Variants in NTM observed in about 807,000 individuals in gnomAD.
NTM encodes neurotrimin.
A neutral mutation model predicts 42.1 loss-of-function variants in NTM; 13 were observed. The ratio of observed to expected loss-of-function variants is 0.31; its 90% CI spans 0.20 to 0.49. The LOEUF (loss-of-function observed/expected upper bound fraction) is 0.49, where lower values mean the gene tolerates loss of function less well. Ranked by LOEUF, NTM falls within the 20% of genes least tolerant of loss-of-function variation. The probability of loss-of-function intolerance (pLI) is 0.99; values close to 1 mark genes in which losing one functional copy is unlikely to be tolerated. For synonymous variants in NTM, 187 were observed against 179.2 expected (o/e 1.04, Z -0.35); for missense variants, 373 against 452.8 (o/e 0.82, Z 1.60).
At position 132,002,024 on chromosome 11, in the gene NTM, A is replaced by G. The variant is rs1464342508; in HGVS notation, c.167+90376A>G. ...GTGTAGAAAAACTTGAATAAAAGCA[A>G]TGGCAGGGACAGCCAAAGAGGAATC... On this transcript the variant is annotated intron_variant, in intron 2 of 8. Transcript: ENST00000683400. The surrounding 1 kb of genome is among the most constrained non-coding windows in gnomAD (Gnocchi z 4.5). Among the ~76,000 whole-genome samples the G allele has an allele frequency of 6.6e-6, 1 of 152,148 alleles. No homozygotes were observed. Among genetic ancestry groups the G allele is most frequent in the Admixed American group, 6.5e-5 (1 of 15,272 alleles).
chr11:132,073,326 GC>G (rs951264457), intron 2 of NTM, among the ~76,000 whole-genome samples: 52 of 152,294 alleles, frequency 3.4e-4, no homozygotes, highest in African/African-American at 1.2e-3. Flanking sequence ...GAGCAGAGGT[GC>G]CTAGTTATCT....
chr11:132,242,289 AG>A (rs2090340549), intron 4 of NTM, among the ~76,000 whole-genome samples: 1 of 152,204 alleles, frequency 6.6e-6, no homozygotes, highest in Admixed American at 6.5e-5. Context: ...AGTACACACA[AG>A]AAAATGACTG....
chr11:132,237,748 C>A (rs1259707422), intron 4 of NTM, among the ~76,000 whole-genome samples: 1 of 152,180 alleles, frequency 6.6e-6, no homozygotes, highest in Non-Finnish European at 1.5e-5. Flanking sequence ...ATGTCTTCGT[C>A]TCTCCGTAGC....
intron 1 of NTM, among the ~76,000 whole-genome samples, chr11:131,431,039 C>G (rs986601704): frequency 2.6e-5 from 4 of 152,210 alleles, no homozygotes; most frequent in Non-Finnish European, 5.9e-5. Flanking sequence ...GATTTGCAGC[C>G]GTTCCACACA....
At chr11:131,697,125 A>C (rs963589792) in intron 1 of NTM, among the ~76,000 whole-genome samples, 1 of 152,148 alleles carries the variant, frequency 6.6e-6, no homozygotes. Context: ...TTTGCTTATT[A>C]ATTTCTCAGA....
At chr11:131,637,215 C>T (rs548489503) in intron 1 of NTM, among the ~76,000 whole-genome samples, 1 of 152,114 alleles carries the variant, frequency 6.6e-6, no homozygotes, top group East Asian at 2.0e-4. Context: ...GACATCCATC[C>T]TCGGCTGGCT....
chr11:131,586,760 A>C (rs1217082870), intron 1 of NTM, among the ~76,000 whole-genome samples: 2 of 152,192 alleles, frequency 1.3e-5, no homozygotes, highest in Non-Finnish European at 2.9e-5. Flanking sequence ...TCTCCTCTTA[A>C]GGTGCTTTAA....
At chr11:131,947,255 C>G (rs1009574956) in intron 2 of NTM, among the ~76,000 whole-genome samples, 1 of 152,176 alleles carries the variant, frequency 6.6e-6, no homozygotes. Context: ...TACCATGATG[C>G]CTTCTTACAT....
intron 1 of NTM, among the ~76,000 whole-genome samples, chr11:131,528,430 T>C (rs2050795328): frequency 6.6e-6 from 1 of 152,236 alleles, no homozygotes; most frequent in Non-Finnish European, 1.5e-5. Flanking sequence ...GTTCTTCTTA[T>C]CTGCATTTTA....
At chr11:132,049,213 T>A (rs183382093) in intron 2 of NTM, among the ~76,000 whole-genome samples, 1 of 152,120 alleles carries the variant, frequency 6.6e-6, no homozygotes, top group Non-Finnish European at 1.5e-5. Context: ...GCATAAAGTA[T>A]GTCTGAAAAC....
intron 2 of NTM, among the ~76,000 whole-genome samples, chr11:132,090,106 A>G (rs1197848292): frequency 1.3e-5 from 2 of 152,194 alleles, no homozygotes. Context: ...AATGACTTAC[A>G]GAAAGATTGA....
intron 1 of NTM, among the ~76,000 whole-genome samples, chr11:131,813,587 T>C (rs2092826999): frequency 6.6e-6 from 1 of 152,174 alleles, no homozygotes; most frequent in Non-Finnish European, 1.5e-5. Context: ...TTTCCATAGG[T>C]AGATGTTACA....
intron 2 of NTM, among the ~76,000 whole-genome samples, chr11:132,115,101 C>A (rs74549773): frequency 7.3e-4 from 111 of 152,192 alleles, no homozygotes; most frequent in Middle Eastern, 3.4e-3. Context: ...CTAGAAAAAT[C>A]CAACTCATAA....
intron 4 of NTM, among the ~76,000 whole-genome samples, chr11:132,224,154 G>C (rs867921737): frequency 6.6e-6 from 1 of 152,182 alleles, no homozygotes; most frequent in Non-Finnish European, 1.5e-5. Context: ...CCTCCACTAC[G>C]AGGAGGATCA....
intron 2 of NTM, among the ~76,000 whole-genome samples, chr11:131,942,481 C>A (rs1485922033): frequency 1.3e-5 from 2 of 152,252 alleles, no homozygotes; most frequent in East Asian, 3.9e-4. Flanking sequence ...CATCTGGAAG[C>A]AAGGGGGCTG....
At chr11:132,056,629 T>C (rs1225768106) in intron 2 of NTM, among the ~76,000 whole-genome samples, 1 of 152,242 alleles carries the variant, frequency 6.6e-6, no homozygotes, top group Non-Finnish European at 1.5e-5. Flanking sequence ...TCTCTTGGAC[T>C]CAGGGAATCT....
At chr11:131,830,916 A>G (rs2042740066) in intron 1 of NTM, among the ~76,000 whole-genome samples, 1 of 151,876 alleles carries the variant, frequency 6.6e-6, no homozygotes, top group Non-Finnish European at 1.5e-5. Context: ...TACATATTTT[A>G]TTTTATTTTA....
intron 1 of NTM, among the ~76,000 whole-genome samples, chr11:131,627,807 G>C (rs916963249): frequency 1.3e-5 from 2 of 152,170 alleles, no homozygotes; most frequent in Admixed American, 6.5e-5. Context: ...TTCCAGCTTG[G>C]ACGACAGAGT....
chr11:132,308,165 G>A (rs897820670), intron 5 of NTM, among the ~76,000 whole-genome samples: 1 of 152,126 alleles, frequency 6.6e-6, no homozygotes, highest in Non-Finnish European at 1.5e-5. Flanking sequence ...ACACAATACA[G>A]TTGTGCTGGA....
Sources: gnomAD v4.1 joint callset for allele counts (sites outside exome capture counted in the v4.1 genomes callset) on GRCh38, gnomAD v4.1.1 for gene constraint, Gnocchi (gnomAD v3.1) non-coding constraint, MANE v1.5 for transcripts, NCBI Gene and HGNC (gene_info 2026-07-23, HGNC 2026-07-21) for gene names.